Variants in ADGRB3 observed in about 807,000 individuals in gnomAD.
The protein encoded by ADGRB3 is adhesion G protein-coupled receptor B3, also known as brain-specific angiogenesis inhibitor 3.
Under a neutral mutation model 193.4 loss-of-function variants are expected in ADGRB3, and 37 were observed. The observed-to-expected ratio is 0.19, with a 90% CI of 0.15 to 0.25. ADGRB3 has a LOEUF of 0.25. ADGRB3 is among the 10% of genes least tolerant of loss of function. ADGRB3 has a pLI of 1.00. For synonymous variants in ADGRB3, 690 were observed against 644.2 expected, an observed-to-expected ratio of 1.07 and a Z score of -1.08; for missense variants, 1,637 against 1,852.9, an observed-to-expected ratio of 0.88 and a Z score of 2.14.
At chr6:68,845,476 T>C (rs1161240791) in intron 3 of ADGRB3, among the ~76,000 whole-genome samples, 3 of 152,124 alleles carry the variant, frequency 2.0e-5, no homozygotes, top group Admixed American at 2.0e-4. Context: ...GTGATATGGT[T>C]TGGCTGTGTC....
At chr6:69,111,184 G>A (rs1245362149) in intron 17 of ADGRB3, among the ~76,000 whole-genome samples, 1 of 152,188 alleles carries the variant, frequency 6.6e-6, no homozygotes, top group Non-Finnish European at 1.5e-5. Flanking sequence ...TACAAAGCTT[G>A]TATTCTGTTC....
At chr6:69,335,130 TA>T (rs922747337) in intron 24 of ADGRB3, among the ~76,000 whole-genome samples, 239 of 151,714 alleles carry the variant, frequency 1.6e-3, no homozygotes, top group Middle Eastern at 6.8e-3. Flanking sequence ...AGGATTTAAT[TA>T]AAAAAAAATT....
intron 17 of ADGRB3, among the ~76,000 whole-genome samples, chr6:69,172,727 G>C (rs1420806819): frequency 6.7e-6 from 1 of 149,006 alleles, no homozygotes; most frequent in African/African-American, 2.4e-5. Flanking sequence ...GAGACTTCTT[G>C]TTAGAGACAG....
At chr6:69,373,709 G>A (rs1562002780) in intron 30 of ADGRB3, among the ~76,000 whole-genome samples, 1 of 151,820 alleles carries the variant, frequency 6.6e-6, no homozygotes, top group Non-Finnish European at 1.5e-5. Flanking sequence ...AATTCTTCAG[G>A]TAGCCAAAAA....
At chr6:68,773,435 GT>G (rs753095350) in intron 3 of ADGRB3, among the ~76,000 whole-genome samples, 13 of 152,130 alleles carry the variant, frequency 8.5e-5, no homozygotes, top group Non-Finnish European at 1.5e-5. Context: ...ATGATACTCA[GT>G]TCATAAACCT....
At chr6:69,118,867 CT>C in intron 17 of ADGRB3, among the ~76,000 whole-genome samples, 1 of 152,002 alleles carries the variant, frequency 6.6e-6, no homozygotes, top group Admixed American at 6.6e-5. Flanking sequence ...TATATTTTAT[CT>C]ATATATAGCA....
At chr6:69,012,340 G>A (rs757510416) in intron 11 of ADGRB3, among the ~76,000 whole-genome samples, 7 of 151,962 alleles carry the variant, frequency 4.6e-5, no homozygotes, top group African/African-American at 7.2e-5. Flanking sequence ...AATGCAGACC[G>A]AGGTCATGGA....
chr6:69,212,868 G>A (rs1338587974), intron 17 of ADGRB3, among the ~76,000 whole-genome samples: 1 of 152,144 alleles, frequency 6.6e-6, no homozygotes, highest in Non-Finnish European at 1.5e-5. Context: ...CCTCTTTTCA[G>A]CAGTAGAAAG....
intron 8 of ADGRB3, among the ~76,000 whole-genome samples, chr6:68,957,228 T>C (rs1003150328): frequency 1.3e-5 from 2 of 152,220 alleles, no homozygotes; most frequent in Non-Finnish European, 2.9e-5. Context: ...GAATGCATTT[T>C]AAAATGAAAG....
intron 6 of ADGRB3, among the ~76,000 whole-genome samples, chr6:68,952,279 A>T (rs994385930): frequency 2.6e-5 from 4 of 152,138 alleles, no homozygotes; most frequent in African/African-American, 9.7e-5. Context: ...AAAAACTTAA[A>T]AATAAAACAA....
chr6:69,240,236 G>C (rs1766355889), intron 20 of ADGRB3, among the ~76,000 whole-genome samples: 1 of 152,018 alleles, frequency 6.6e-6, no homozygotes, highest in African/African-American at 2.4e-5. Context: ...CTAGGAGGCT[G>C]CTTTAAGTGA....
chr6:68,723,486 TC>T (rs1327828452), intron 3 of ADGRB3, among the ~76,000 whole-genome samples: 1 of 151,634 alleles, frequency 6.6e-6, no homozygotes, highest in Non-Finnish European at 1.5e-5. Context: ...GAGTCTATAA[TC>T]CCTGAAGATG....
chr6:69,070,833 T>C (rs1772057743), intron 16 of ADGRB3, among the ~76,000 whole-genome samples: 1 of 152,176 alleles, frequency 6.6e-6, no homozygotes, highest in Non-Finnish European at 1.5e-5. Context: ...GTATTGAAAA[T>C]TTAAAACACC....
chr6:68,757,816 A>G (rs888588261), intron 3 of ADGRB3, among the ~76,000 whole-genome samples: 1 of 152,132 alleles, frequency 6.6e-6, no homozygotes, highest in African/African-American at 2.4e-5. Context: ...AGCCCCTTGC[A>G]GCCTGGCTTC....
chr6:68,821,374 C>T (rs1317109336), intron 3 of ADGRB3, among the ~76,000 whole-genome samples: 2 of 151,820 alleles, frequency 1.3e-5, no homozygotes, highest in Non-Finnish European at 2.9e-5. Flanking sequence ...TTTCTTCTAT[C>T]CTTGCAATGC....
intron 20 of ADGRB3, among the ~76,000 whole-genome samples, chr6:69,319,417 C>T (rs1768393926): frequency 6.6e-6 from 1 of 151,114 alleles, no homozygotes; most frequent in Non-Finnish European, 1.5e-5. Context: ...TCTAGACATG[C>T]TCTGTTTTTT....
chr6:68,790,544 G>C (rs894635799), intron 3 of ADGRB3, among the ~76,000 whole-genome samples: 47 of 152,094 alleles, frequency 3.1e-4, no homozygotes, highest in African/African-American at 1.1e-3. Flanking sequence ...CCCCGAGTAG[G>C]GGCAGACTGA....
chr6:69,334,035 A>T (rs1768789204), intron 24 of ADGRB3, among the ~76,000 whole-genome samples: 1 of 151,194 alleles, frequency 6.6e-6, no homozygotes, highest in Non-Finnish European at 1.5e-5. Flanking sequence ...TGTATATATA[A>T]TGACAGTAAC....
chr6:68,953,614 G>T (rs1299574817), intron 6 of ADGRB3, among the ~76,000 whole-genome samples: 1 of 152,086 alleles, frequency 6.6e-6, no homozygotes, highest in South Asian at 2.1e-4. Flanking sequence ...TTTTAGTCTG[G>T]AAAATAGACT....
Sources: gnomAD v4.1 joint callset for allele counts (sites outside exome capture counted in the v4.1 genomes callset) on GRCh38, gnomAD v4.1.1 for gene constraint, MANE v1.5 for transcripts, NCBI Gene and HGNC (gene_info 2026-07-23, HGNC 2026-07-21) for gene names.